TMTC1: variants seen among roughly 807,000 people sequenced by gnomAD.
TMTC1 encodes transmembrane O-mannosyltransferase targeting cadherins 1.
Under a neutral mutation model 104.8 loss-of-function variants are expected in TMTC1, and 73 were observed. That is an observed-to-expected ratio of 0.70 (90% CI 0.58 to 0.85). The LOEUF is 0.85. TMTC1 is among the 40% of genes least tolerant of loss of function. The pLI is 0.00. For missense variants in TMTC1, 1,035 were observed against 1,096.1 expected (o/e 0.94, Z 0.79); for synonymous variants, 434 against 428.7 (o/e 1.01, Z -0.15).
At chr12:29,523,594 G>A (rs1173745214) in intron 11 of TMTC1, among the ~76,000 whole-genome samples, 5 of 152,178 alleles carry the variant, frequency 3.3e-5, no homozygotes, top group African/African-American at 1.2e-4. Context: ...AAATTGAGAG[G>A]TGAACCAAAA....
intron 1 of TMTC1, among the ~76,000 whole-genome samples, chr12:29,777,030 A>C (rs148935670): frequency 2.0e-5 from 3 of 152,246 alleles, no homozygotes; most frequent in Non-Finnish European, 4.4e-5. Context: ...AAGAAACAGT[A>C]TCTTATTATT....
chr12:29,671,586 A>T (rs1434946920), intron 5 of TMTC1, among the ~76,000 whole-genome samples: 1 of 152,224 alleles, frequency 6.6e-6, no homozygotes, highest in Non-Finnish European at 1.5e-5. Context: ...ACTACAAAGC[A>T]GGTGCTATTG....
At chr12:29,753,693 C>T (rs1943145654) in intron 4 of TMTC1, among the ~76,000 whole-genome samples, 1 of 152,220 alleles carries the variant, frequency 6.6e-6, no homozygotes, top group Non-Finnish European at 1.5e-5. Context: ...CGTCAAATTA[C>T]TTACATAATG....
intron 5 of TMTC1, among the ~76,000 whole-genome samples, chr12:29,645,138 GATA>G (rs376528592): frequency 8.5e-5 from 13 of 152,304 alleles, no homozygotes; most frequent in African/African-American, 3.1e-4. Context: ...AAATCAGCCT[GATA>G]ATAAAATAAT....
At chr12:29,510,863 A>G (rs767180374) in intron 17 of TMTC1, among the ~76,000 whole-genome samples, 2 of 152,166 alleles carry the variant, frequency 1.3e-5, no homozygotes, top group African/African-American at 4.8e-5. Context: ...CCAAGTCCCT[A>G]CAAACTCCTT....
At chr12:29,703,197 A>G (rs1941649458) in intron 5 of TMTC1, among the ~76,000 whole-genome samples, 1 of 151,982 alleles carries the variant, frequency 6.6e-6, no homozygotes, top group African/African-American at 2.4e-5. Context: ...GATACACAGC[A>G]TGAACGGGTG....
In TMTC1 at chr12:29,726,677, C is replaced by A. The variant is rs1353890041; in HGVS notation, c.938+24989G>T. On this transcript the variant is annotated intron_variant, in intron 5 of 17. Transcript: ENST00000539277. The stretch of plus-strand genomic sequence containing the variant: ...ACACCTGACACTATTGCATCCCTTA[C>A]CCTTTAACAATCCAAAAATTCCATC... Among the ~76,000 whole-genome samples the A allele has an allele frequency of 3.9e-5, 6 of 152,128 alleles. 1 individual carries two copies. The highest frequency in any genetic ancestry group is 8.8e-5 in the Non-Finnish European group (6 of 68,034).
chr12:29,728,301 C>T (rs1294891246), intron 5 of TMTC1, among the ~76,000 whole-genome samples: 1 of 151,992 alleles, frequency 6.6e-6, no homozygotes, highest in African/African-American at 2.4e-5. Flanking sequence ...GGCTCAGGAG[C>T]TGTGATCTGA....
At chr12:29,622,509 A>C (rs1335417544) in intron 6 of TMTC1, among the ~76,000 whole-genome samples, 3 of 152,204 alleles carry the variant, frequency 2.0e-5, no homozygotes, top group Non-Finnish European at 4.4e-5. Context: ...AAGAGCCATA[A>C]AGAAAAACTC....
Position 29,751,825 on chromosome 12 carries a change from G to A in TMTC1, c.779C>T (p.Pro260Leu), listed in dbSNP as rs770411262. 10 of 1,601,968 alleles carry A rather than the reference G, an allele frequency of 6.2e-6. No individual in the cohort carries two copies. Among genetic ancestry groups the A allele is most frequent in the Middle Eastern group, 1.7e-4 (1 of 5,800 alleles). Residue 260 changes from proline (P) to leucine (L), a missense_variant, in exon 5 of 18, where the codon CCC (proline) becomes CTC (leucine). Physicochemically the swap from Pro to Leu is moderately conservative, Grantham distance 98. Coordinates refer to ENST00000539277, the MANE Select transcript of TMTC1 (RefSeq NM_001193451.2). The stretch of plus-strand genomic sequence containing the variant: ...ATGGCCTGGCAGTGAGGAGGGCTGG[G>A]GGCTCCCGGGCTGCTGTGGGCTGCG... Reference protein sequence around the residue: ...CPRSPQQPGSPQPSSLPGHPH... With the variant: ...CPRSPQQPGSLQPSSLPGHPH...
At chr12:29,663,180 C>T (rs1940113958) in intron 5 of TMTC1, among the ~76,000 whole-genome samples, 1 of 152,200 alleles carries the variant, frequency 6.6e-6, no homozygotes, top group Non-Finnish European at 1.5e-5. Flanking sequence ...CCCTGCTCAG[C>T]GTCCTTCTCT....
At chr12:29,583,597 C>T (rs2288231) in intron 7 of TMTC1, 23 bp from the exon 8 acceptor site, 27,585 of 1,603,990 alleles carry the variant, frequency 0.017, 301 homozygotes, top group Non-Finnish European at 0.021. Flanking sequence ...GTGGAAGGAA[C>T]GGGATTACTT....
At chr12:29,762,488 C>G (rs60788764) in intron 2 of TMTC1, among the ~76,000 whole-genome samples, 2 of 152,130 alleles carry the variant, frequency 1.3e-5, no homozygotes, top group East Asian at 3.9e-4. Flanking sequence ...CGTACGGTAT[C>G]TTAATTGTGA....
Position 29,536,281 on chromosome 12 carries a change from C to T in TMTC1, c.1713G>A (p.Leu571=). 6.2e-7 allele frequency: 1 copy of T among 1,612,554 alleles called. No individual in the cohort carries two copies. The highest frequency in any genetic ancestry group is 8.5e-7 in the Non-Finnish European group (1 of 1,179,392). Residue 571 remains leucine (L), a synonymous_variant, in exon 11 of 18, where the codon CTG becomes CTA. Transcript: ENST00000539277. Reference sequence around the variant, plus strand: ...CTGGACCATATTTGATGGAATCCTTCAGTAAGGTGATAGCTTCTTCCTTTT... The same window carrying T: ...CTGGACCATATTTGATGGAATCCTTTAGTAAGGTGATAGCTTCTTCCTTTT... ...QEKKEEAITL[L]KDSIKYGPEF... is the part of the protein sequence containing the mutation.
intron 6 of TMTC1, among the ~76,000 whole-genome samples, chr12:29,628,960 C>T (rs1343142932): frequency 6.6e-6 from 1 of 152,060 alleles, no homozygotes; most frequent in Non-Finnish European, 1.5e-5. Flanking sequence ...CTGCGCCCGG[C>T]CTCAGGCATT....
At chr12:29,760,554 C>T (rs1943320305) in intron 2 of TMTC1, among the ~76,000 whole-genome samples, 1 of 152,084 alleles carries the variant, frequency 6.6e-6, no homozygotes, top group Admixed American at 6.5e-5. Context: ...CATTATATTG[C>T]ACTACGTCTT....
intron 5 of TMTC1, among the ~76,000 whole-genome samples, chr12:29,637,637 T>A (rs1938623951): frequency 6.6e-6 from 1 of 152,192 alleles, no homozygotes; most frequent in South Asian, 2.1e-4. Flanking sequence ...CAAAACTGTG[T>A]GGCTCTTCAC....
At chr12:29,774,402 C>T (rs1283294857) in intron 1 of TMTC1, among the ~76,000 whole-genome samples, 2 of 152,194 alleles carry the variant, frequency 1.3e-5, no homozygotes, top group African/African-American at 4.8e-5. Context: ...CCAGATTTCT[C>T]AGCAGTAACA....
At chr12:29,507,422 T>A (rs1943723033) in intron 17 of TMTC1, among the ~76,000 whole-genome samples, 1 of 152,334 alleles carries the variant, frequency 6.6e-6, no homozygotes, top group East Asian at 1.9e-4. Context: ...TTAAATAGTT[T>A]ATGTATCCAC....
Sources: allele counts gnomAD v4.1 joint callset (sites outside exome capture counted in the v4.1 genomes callset), GRCh38; gene constraint gnomAD v4.1.1; transcripts MANE v1.5; gene names NCBI Gene and HGNC (gene_info 2026-07-23, HGNC 2026-07-21).